ZNF367: variants seen among roughly 807,000 people sequenced by gnomAD.
The protein encoded by ZNF367 is zinc finger protein 367, also known as C2H2 zinc finger protein ZFF29.
Under a neutral mutation model 31.8 loss-of-function variants are expected in ZNF367, and 11 were observed. That is an observed-to-expected ratio of 0.35 (90% CI 0.22 to 0.57). ZNF367 has a LOEUF of 0.57. Among genes scored for constraint, ZNF367 ranks in the 20% least tolerant of loss-of-function variants. The pLI is 0.85. For missense variants in ZNF367, 353 were observed against 484.1 expected, an observed-to-expected ratio of 0.73 and a Z score of 2.54; for synonymous variants, 199 against 202.4, an observed-to-expected ratio of 0.98 and a Z score of 0.14.
At chr9:96,395,724 G>C (rs1290368912) in intron 2 of ZNF367, among the ~76,000 whole-genome samples, 2 of 152,026 alleles carry the variant, frequency 1.3e-5, no homozygotes, top group African/African-American at 2.4e-5. Flanking sequence ...ATTGAACTTT[G>C]TATACCTTCA....
chr9:96,415,479 A>ATTTTTTTTT lies in ZNF367; in HGVS notation c.420+2125_420+2133dup, dbSNP rs56349404. On this transcript the variant is annotated intron_variant, in intron 1 of 4. Coordinates refer to ENST00000375256, the MANE Select transcript of ZNF367 (RefSeq NM_153695.4). ...CAACGCTTCTATCGTTAGTTTCTTC[A>ATTTTTTTTT]TTTTTTTTTTTTTTTTTTTTTTTTT... 5.3e-4 allele frequency among the ~76,000 whole-genome samples: 20 copies of ATTTTTTTTT among 37,784 alleles called. 3 individuals carry two copies. The highest frequency in any genetic ancestry group is 3.1e-3 in the East Asian group (3 of 978). 24.8% of individuals were successfully genotyped at this position (37,784 alleles called of 152,430 possible).
intron 1 of ZNF367, among the ~76,000 whole-genome samples, chr9:96,403,992 G>A (rs12235387): frequency 0.16 from 24,163 of 151,760 alleles, 2,038 homozygotes; most frequent in East Asian, 0.34. Flanking sequence ...CCAAAAATTC[G>A]AGATCAGCCT....
At chr9:96,388,743 T>C (rs1831434380) in intron 4 of ZNF367, among the ~76,000 whole-genome samples, 1 of 152,230 alleles carries the variant, frequency 6.6e-6, no homozygotes, top group South Asian at 2.1e-4. Flanking sequence ...TTAAAGAGCC[T>C]GTGTGAAATG....
chr9:96,388,262 A>G lies in ZNF367; in HGVS notation c.1028T>C (p.Leu343Pro). The change falls in exon 5 of 5, where the codon CTG becomes CCG. Residue 343 changes from leucine to proline, a missense_variant. This residue lies in a region of ZNF367 where 101 missense variants were observed against 140.0 expected (regional missense o/e 0.72). Coordinates refer to ENST00000375256, the MANE Select transcript of ZNF367 (RefSeq NM_153695.4). ...CTACTGTCGGAGTGGCGCCCCAGTCAGGTTGGCAAGCTCTATGAGCGCGAG... is the reference window on the plus strand; with the variant it reads ...CTACTGTCGGAGTGGCGCCCCAGTCGGGTTGGCAAGCTCTATGAGCGCGAG... ...GALALIELAN[L>P]TGAPLRQ The G allele has an allele frequency of 6.2e-7, 1 of 1,611,636 alleles. No individual in the cohort carries two copies.
chr9:96,407,275 G>A, intron 1 of ZNF367: 3 of 1,470,442 alleles, frequency 2.0e-6, no homozygotes, highest in Middle Eastern at 2.4e-4. Flanking sequence ...CGGCTCTGCG[G>A]CCGTCACCAT....
chr9:96,417,618 G>C lies in ZNF367; in HGVS notation c.415C>G (p.Leu139Val). The C allele has an allele frequency of 1.5e-6, 1 of 648,796 alleles. No homozygotes were observed. The highest frequency in any genetic ancestry group is 2.2e-6 in the Non-Finnish European group (1 of 461,932). The allele number at this position is 648,796 out of a possible 1,614,324, so 40.2% of individuals were successfully genotyped here. Reference sequence around the variant, plus strand: ...CGCCCGCCCGCGCCGCTCACCTTGAGGTGGCCGCTGTCTGGGCTGCTCGCT... The same window carrying C: ...CGCCCGCCCGCGCCGCTCACCTTGACGTGGCCGCTGTCTGGGCTGCTCGCT... ...EEASSPDSGH[L>V]KDGIRRGRPR... The change falls in exon 1 of 5, where the codon CTC becomes GTC. Residue 139 changes from leucine (L) to valine (V), a missense_variant. By Grantham distance (32) the Leu-to-Val change is conservative. Around this residue, in one of 5 missense-constraint regions of ZNF367, gnomAD observed 70 missense variants for 57.1 expected, o/e 1.23. Coordinates refer to ENST00000375256, the MANE Select transcript of ZNF367 (RefSeq NM_153695.4). This position sits in a 1 kb window ranked among gnomAD's most constrained non-coding sequence, Gnocchi z 5.0.
intron 4 of ZNF367, chr9:96,392,197 T>C (rs1274332518): frequency 1.3e-5 from 9 of 694,842 alleles, no homozygotes; most frequent in Non-Finnish European, 2.1e-5. Flanking sequence ...CTAATTATAT[T>C]GTAATTTTCT....
chr9:96,406,156 CTT>C (rs1334438230), intron 1 of ZNF367, among the ~76,000 whole-genome samples: 1 of 152,122 alleles, frequency 6.6e-6, no homozygotes, highest in Non-Finnish European at 1.5e-5. Flanking sequence ...TTGAAAGAAA[CTT>C]TGTTTCCCAG....
chr9:96,416,199 A>G (rs1392332076), intron 1 of ZNF367, among the ~76,000 whole-genome samples: 11 of 141,938 alleles, frequency 7.7e-5, no homozygotes, highest in Non-Finnish European at 1.5e-4. Flanking sequence ...CCATTCTCCT[A>G]CCTCAGCCTC....
At chr9:96,395,291 T>G (rs1441661629) in intron 2 of ZNF367, among the ~76,000 whole-genome samples, 3 of 152,060 alleles carry the variant, frequency 2.0e-5, no homozygotes, top group Non-Finnish European at 4.4e-5. Context: ...CGGGCAGCCC[T>G]CCCACTAGGA....
At chr9:96,402,315 CTT>C (rs1330449047) in intron 1 of ZNF367, among the ~76,000 whole-genome samples, 1 of 151,932 alleles carries the variant, frequency 6.6e-6, no homozygotes, top group African/African-American at 2.4e-5. Flanking sequence ...GACAGAAAAA[CTT>C]ATAACTTTTA....
intron 3 of ZNF367, among the ~76,000 whole-genome samples, chr9:96,393,802 G>A (rs1831499496): frequency 6.6e-6 from 1 of 152,224 alleles, no homozygotes; most frequent in East Asian, 1.9e-4. Flanking sequence ...TTGCACTCCA[G>A]CCTGGGCAAC....
At chr9:96,416,621 TTTAC>T (rs1160105095) in intron 1 of ZNF367, among the ~76,000 whole-genome samples, 1 of 152,214 alleles carries the variant, frequency 6.6e-6, no homozygotes, top group Non-Finnish European at 1.5e-5. Flanking sequence ...CACTATGTGA[TTTAC>T]TTGTTATCTC....
rs1039595126 is a variant in ZNF367 at position 96,417,759 on chromosome 9, A to AGGC, written c.271_273dup (p.Ala91dup). The AGGC allele has an allele frequency of 3.2e-5, 40 of 1,236,004 alleles. No individual in the cohort carries two copies. In the African/African-American group the frequency reaches 6.1e-4, roughly 19 times the overall value. The allele number at this position is 1,236,004 out of a possible 1,614,324, so 76.6% of individuals were successfully genotyped here. On this transcript the variant is annotated inframe_insertion, in exon 1 of 5. Coordinates refer to ENST00000375256, the MANE Select transcript of ZNF367 (RefSeq NM_153695.4). This position sits in a 1 kb window ranked among gnomAD's most constrained non-coding sequence, Gnocchi z 5.0. ...GCTGCGGCTGCAGGCAGGGCGGCCG[A>AGGC]GGCGGCGGCCCCCGCGGCCCCAGGG...
intron 1 of ZNF367, among the ~76,000 whole-genome samples, chr9:96,403,315 A>C (rs1413754861): frequency 6.6e-6 from 1 of 152,204 alleles, no homozygotes; most frequent in Non-Finnish European, 1.5e-5. Context: ...ATCACAAGGG[A>C]AAAAAGAAAA....
rs1172419695 is a variant in ZNF367 at position 96,406,989 on chromosome 9, A to C, written c.421-8675T>G. Among the ~76,000 whole-genome samples, 9 of 135,890 alleles carry C rather than the reference A, an allele frequency of 6.6e-5. No homozygotes were observed. The South Asian group carries it at 9.9e-4, about 15-fold the overall frequency. The allele number at this position is 135,890 out of a possible 152,430, so 89.1% of individuals were successfully genotyped here. On this transcript the variant is annotated intron_variant, in intron 1 of 4. Transcript: ENST00000375256. ...TGCACTCCAGCCTGGGTGACAGAGC[A>C]AGACTCCATCTCAAAAAAAAAAAAA... is the stretch of plus-strand genomic sequence containing the variant.
intron 1 of ZNF367, among the ~76,000 whole-genome samples, chr9:96,402,723 C>T (rs889596230): frequency 2.0e-5 from 3 of 149,690 alleles, no homozygotes; most frequent in Non-Finnish European, 3.0e-5. Flanking sequence ...CCGCCCACCT[C>T]GGCCTCCCGG....
At position 96,417,167 on chromosome 9, in the gene ZNF367, G is replaced by A. The variant is rs190499756; in HGVS notation, c.420+446C>T. On this transcript the variant is annotated intron_variant, in intron 1 of 4. Transcript: ENST00000375256. The surrounding 1 kb of genome is among the most constrained non-coding windows in gnomAD (Gnocchi z 5.0). ...GCCCAGAAGTCCTTTCTTGCTCTTCGGCTGTCTCTGCAGGGCATCTTTTAA... is the reference window on the plus strand; with the variant it reads ...GCCCAGAAGTCCTTTCTTGCTCTTCAGCTGTCTCTGCAGGGCATCTTTTAA... Among the ~76,000 whole-genome samples, 1 of 152,294 alleles carries A rather than the reference G, an allele frequency of 6.6e-6. No homozygotes were observed. The highest frequency in any genetic ancestry group is 2.4e-5 in the African/African-American group (1 of 41,552).
chr9:96,410,900 CA>C (rs151061347), intron 1 of ZNF367, among the ~76,000 whole-genome samples: 3 of 146,704 alleles, frequency 2.0e-5, no homozygotes, highest in Non-Finnish European at 4.5e-5. Context: ...CAAAACAAAA[CA>C]AAAAAAACAT....
Sources: gnomAD v4.1 joint callset for allele counts (sites outside exome capture counted in the v4.1 genomes callset) on GRCh38, gnomAD v4.1.1 for gene constraint, gnomAD v4.1.1 regional missense constraint, Gnocchi (gnomAD v3.1) non-coding constraint, MANE v1.5 for transcripts, NCBI Gene and HGNC (gene_info 2026-07-23, HGNC 2026-07-21) for gene names.